Variants in PTDSS2 observed in about 807,000 individuals in gnomAD.
PTDSS2 encodes the protein phosphatidylserine synthase 2, also known as PSS-2.
In PTDSS2, 41 loss-of-function variants were observed where a neutral mutation model predicts 64.7. The ratio of observed to expected loss-of-function variants is 0.63; its 90% CI spans 0.49 to 0.82. PTDSS2 has a LOEUF of 0.82. Ranked by LOEUF, PTDSS2 falls within the 40% of genes least tolerant of loss-of-function variation. PTDSS2 has a pLI of 0.00. For synonymous variants in PTDSS2, 297 were observed against 277.8 expected, an observed-to-expected ratio of 1.07 and a Z score of -0.69; for missense variants, 485 against 650.0, an observed-to-expected ratio of 0.75 and a Z score of 2.76.
chr11:450,063 G>C (rs376220168), upstream of PTDSS2, among the ~76,000 whole-genome samples: 1 of 152,192 alleles, frequency 6.6e-6, no homozygotes, highest in Admixed American at 6.5e-5. Flanking sequence ...GGAGGGACTC[G>C]GGCCAGGCCG....
rs917437930 is a variant in PTDSS2 at position 450,420 on chromosome 11, G to T, written c.-36G>T. The T allele has an allele frequency of 7.4e-6, 9 of 1,220,826 alleles. No homozygotes were observed. In the African/African-American group the frequency reaches 1.4e-4, roughly 19 times the overall value. 75.6% of individuals were successfully genotyped at this position (1,220,826 alleles called of 1,614,324 possible). A position where few individuals can be genotyped will look rare whatever the true frequency, so the allele number is the denominator to read the frequency against. On this transcript the variant is annotated 5_prime_UTR_variant, in exon 1 of 12. Coordinates refer to ENST00000308020, the MANE Select transcript of PTDSS2 (RefSeq NM_030783.3). ...CCGGTGACCCGGTGTGCGTGGGGTC[G>T]AGGCGCCGGGCGGAGTGGCTCCGGG...
chr11:465,971 T>C lies in PTDSS2; in HGVS notation c.284+5683T>C, dbSNP rs146574061. ...AAAATTTCTGCTTTGTAAAAGACAC[T>C]GTTAAGGGAACGAAAAGGTGAGCCA... is the stretch of plus-strand genomic sequence containing the variant. On this transcript the variant is annotated intron_variant, in intron 2 of 11. Coordinates refer to ENST00000308020, the MANE Select transcript of PTDSS2 (RefSeq NM_030783.3). Among the ~76,000 whole-genome samples the C allele has an allele frequency of 1.4e-3, 218 of 152,278 alleles. 1 individual carries two copies. Among genetic ancestry groups the C allele is most frequent in the African/African-American group, 4.6e-3 (193 of 41,534 alleles).
rs886669576 is a variant in PTDSS2, at chr11:470,781, G to T, written c.285-3114G>T. On this transcript the variant is annotated intron_variant, in intron 2 of 11. Transcript: ENST00000308020. This position sits in a 1 kb window ranked among gnomAD's most constrained non-coding sequence, Gnocchi z 5.3. ...ATTTGTGTATTTTTAGTAGAGATGGGGTTTCACCATGTTGGTCAGGCTGGT... is the reference window on the plus strand; with the variant it reads ...ATTTGTGTATTTTTAGTAGAGATGGTGTTTCACCATGTTGGTCAGGCTGGT... Among the ~76,000 whole-genome samples the T allele has an allele frequency of 1.3e-5, 2 of 151,816 alleles. No individual in the cohort carries two copies. Among genetic ancestry groups the T allele is most frequent in the Non-Finnish European group, 2.9e-5 (2 of 67,988 alleles).
intron 5 of PTDSS2, 44 bp from the exon 6 acceptor site, chr11:487,376 G>A: frequency 2.5e-6 from 4 of 1,575,496 alleles, no homozygotes; most frequent in Non-Finnish European, 2.6e-6. Flanking sequence ...GGGAGTGGGG[G>A]TGGCTGTGCC....
intron 2 of PTDSS2, among the ~76,000 whole-genome samples, chr11:472,735 G>A (rs1258830009): frequency 6.6e-6 from 1 of 152,192 alleles, no homozygotes; most frequent in Non-Finnish European, 1.5e-5. Context: ...TGAGACTGAA[G>A]TTGTTACTGG....
rs527950765 is a variant in PTDSS2 at position 470,102 on chromosome 11, G to A, written c.285-3793G>A. Among the ~76,000 whole-genome samples, 33 of 152,226 alleles carry A rather than the reference G, an allele frequency of 2.2e-4. No homozygotes were observed. Among genetic ancestry groups the A allele is most frequent in the Admixed American group, 3.9e-4 (6 of 15,296 alleles). On this transcript the variant is annotated intron_variant, in intron 2 of 11. Coordinates refer to ENST00000308020, the MANE Select transcript of PTDSS2 (RefSeq NM_030783.3). This position sits in a 1 kb window ranked among gnomAD's most constrained non-coding sequence, Gnocchi z 5.3. ...ATTCCAGGAGCTGGCGTGAGCTCCCGGCACCGCTGTGCGCTGCGCGTGGTG... is the reference window on the plus strand; with the variant it reads ...ATTCCAGGAGCTGGCGTGAGCTCCCAGCACCGCTGTGCGCTGCGCGTGGTG...
chr11:469,806 C>T (rs147126894), intron 2 of PTDSS2, among the ~76,000 whole-genome samples: 35 of 152,092 alleles, frequency 2.3e-4, no homozygotes, highest in African/African-American at 8.4e-4. Context: ...AGCACCGGGG[C>T]AGGAAATGCC....
Position 489,386 on chromosome 11 carries a change from T to C in PTDSS2, c.855-14T>C, listed in dbSNP as rs67492572. On this transcript the variant is annotated splice_polypyrimidine_tract_variant and intron_variant, in intron 8 of 11. Transcript: ENST00000308020. ...GGGCTGCCTTCCTCAGGCTGCCGGC[T>C]CTGTGGTTCCCAGGGGCAAGATGAA... The C allele has an allele frequency of 0.19, 300,665 of 1,608,998 alleles. 29,042 individuals carry two copies. Among genetic ancestry groups the C allele is most frequent in the African/African-American group, 0.31 (23,523 of 74,862 alleles).
chr11:474,842 C>T (rs948663346), intron 3 of PTDSS2, among the ~76,000 whole-genome samples: 2 of 151,034 alleles, frequency 1.3e-5, no homozygotes, highest in Non-Finnish European at 3.0e-5. Flanking sequence ...GTGATACGGA[C>T]ATATTCACTT....
chr11:458,306 G>A (rs191048332), intron 1 of PTDSS2, among the ~76,000 whole-genome samples: 22 of 151,320 alleles, frequency 1.5e-4, no homozygotes, highest in Admixed American at 4.0e-4. Flanking sequence ...CCGGGTTCAC[G>A]CCATTCTCCT....
chr11:487,156 G>T lies in PTDSS2; in HGVS notation c.570+83G>T. On this transcript the variant is annotated intron_variant, in intron 5 of 11. Coordinates refer to ENST00000308020, the MANE Select transcript of PTDSS2 (RefSeq NM_030783.3). ...CAGGCGCCATCCACGCTCCTGCCTC[G>T]CACCCCTCAGCCCACACTTGGGGTC... The T allele has an allele frequency of 3.9e-6, 5 of 1,295,838 alleles. No individual in the cohort carries two copies. In the South Asian group the frequency reaches 6.6e-5, roughly 17 times the overall value. 80.3% of individuals were successfully genotyped at this position (1,295,838 alleles called of 1,614,324 possible). A position where few individuals can be genotyped will look rare whatever the true frequency, so the allele number is the denominator to read the frequency against.
Position 460,427 on chromosome 11 carries a change from AGT to A in PTDSS2, c.284+144_284+145del. 1 of 674,160 alleles carries A rather than the reference AGT, an allele frequency of 1.5e-6. No individual in the cohort carries two copies. Among genetic ancestry groups the A allele is most frequent in the Admixed American group, 2.3e-5 (1 of 42,968 alleles). The allele number at this position is 674,160 out of a possible 1,614,324, so 41.8% of individuals were successfully genotyped here. On this transcript the variant is annotated intron_variant, in intron 2 of 11. Coordinates refer to ENST00000308020, the MANE Select transcript of PTDSS2 (RefSeq NM_030783.3). The surrounding 1 kb of genome is among the most constrained non-coding windows in gnomAD (Gnocchi z 5.8). ...CGTGGGGCCGCCGGCCTCTCCCTTG[AGT>A]GTGTCTGATGTGCAGACTCCAGGGC...
Position 461,237 on chromosome 11 carries a change from T to C in PTDSS2, c.284+949T>C, listed in dbSNP as rs1590622058. ...CTATCTTCGTGACTGTTGGGTGGGG[T>C]GATGGGTGGGCATGGTGTGAACGTC... On this transcript the variant is annotated intron_variant, in intron 2 of 11. Coordinates refer to ENST00000308020, the MANE Select transcript of PTDSS2 (RefSeq NM_030783.3). This position sits in a 1 kb window ranked among gnomAD's most constrained non-coding sequence, Gnocchi z 4.2. Among the ~76,000 whole-genome samples the C allele has an allele frequency of 6.6e-6, 1 of 151,830 alleles. No homozygotes were observed. Among genetic ancestry groups the C allele is most frequent in the Non-Finnish European group, 1.5e-5 (1 of 67,946 alleles).
chr11:455,726 G>A (rs537785578), intron 1 of PTDSS2, among the ~76,000 whole-genome samples: 15 of 152,358 alleles, frequency 9.8e-5, no homozygotes, highest in Admixed American at 7.8e-4. Flanking sequence ...CCCTCCTGGC[G>A]TGGTTTTACT....
At chr11:483,818 T>G (rs766632057) in intron 4 of PTDSS2, among the ~76,000 whole-genome samples, 22 of 152,220 alleles carry the variant, frequency 1.4e-4, no homozygotes, top group Non-Finnish European at 2.9e-4. Context: ...TGTGAGGATG[T>G]CTGACGTTTT....
At chr11:454,705 T>C (rs1846507755) in intron 1 of PTDSS2, among the ~76,000 whole-genome samples, 1 of 152,110 alleles carries the variant, frequency 6.6e-6, no homozygotes, top group South Asian at 2.1e-4. Flanking sequence ...CTTGGGAGGC[T>C]GAGGCAGGAG....
At chr11:454,069 G>A (rs146592957) in intron 1 of PTDSS2, among the ~76,000 whole-genome samples, 2 of 152,236 alleles carry the variant, frequency 1.3e-5, no homozygotes, top group African/African-American at 2.4e-5. Flanking sequence ...ATCTTGAGCG[G>A]CACTCTGTCA....
intron 2 of PTDSS2, among the ~76,000 whole-genome samples, chr11:467,374 CCA>C (rs1847191502): frequency 6.6e-6 from 1 of 152,176 alleles, no homozygotes; most frequent in Non-Finnish European, 1.5e-5. Context: ...ACCAACGCTT[CCA>C]GGAACTCTCA....
At chr11:453,737 C>A (rs1056027894) in intron 1 of PTDSS2, among the ~76,000 whole-genome samples, 3 of 152,258 alleles carry the variant, frequency 2.0e-5, no homozygotes, top group Admixed American at 6.5e-5. Flanking sequence ...CCAGGCGTGG[C>A]CTTTCCTTGG....
Sources: gnomAD v4.1 joint callset for allele counts (sites outside exome capture counted in the v4.1 genomes callset) on GRCh38, gnomAD v4.1.1 for gene constraint, Gnocchi (gnomAD v3.1) non-coding constraint, MANE v1.5 for transcripts, NCBI Gene and HGNC (gene_info 2026-07-23, HGNC 2026-07-21) for gene names.